The following ANKRD33B variants were observed in gnomAD, a reference collection of about 807,000 sequenced individuals.
The protein encoded by ANKRD33B is ankyrin repeat domain-containing protein 33B.
Under a neutral mutation model 21.5 loss-of-function variants are expected in ANKRD33B, and 6 were observed. That is an observed-to-expected ratio of 0.28 (90% CI 0.15 to 0.55). The LOEUF (loss-of-function observed/expected upper bound fraction) is 0.55. Among genes scored for constraint, ANKRD33B ranks in the 20% least tolerant of loss-of-function variants. The probability of loss-of-function intolerance (pLI) is 0.94; values close to 1 mark genes in which losing one functional copy is unlikely to be tolerated. For synonymous variants in ANKRD33B, 347 were observed against 342.4 expected (o/e 1.01, Z -0.15); for missense variants, 698 against 747.2 (o/e 0.93, Z 0.77).
chr5:10,630,308 C>T (rs542554376), intron 2 of ANKRD33B, among the ~76,000 whole-genome samples: 1 of 152,234 alleles, frequency 6.6e-6, no homozygotes, highest in Non-Finnish European at 1.5e-5. Flanking sequence ...TACTCATCCT[C>T]TTCCTGGGAG....
intron 1 of ANKRD33B, among the ~76,000 whole-genome samples, chr5:10,579,408 T>C (rs1424562208): frequency 6.6e-6 from 1 of 152,000 alleles, no homozygotes; most frequent in Non-Finnish European, 1.5e-5. Context: ...CTGAACTTTA[T>C]TAAAACACAA....
chr5:10,572,847 G>A (rs1579709116), intron 1 of ANKRD33B, among the ~76,000 whole-genome samples: 1 of 152,218 alleles, frequency 6.6e-6, no homozygotes, highest in East Asian at 1.9e-4. Flanking sequence ...TGCCAGAAGT[G>A]TGGGTCCTAA....
rs1735510201 is a variant in ANKRD33B, at chr5:10,584,432, G to A, written c.366+19599G>A. On this transcript the variant is annotated intron_variant, in intron 1 of 3. Coordinates refer to ENST00000296657, the MANE Select transcript of ANKRD33B (RefSeq NM_001164440.2). ...GTGGGGGTACATGCCTATAGTCCTA[G>A]CTACTTTGGAGGCTGAGGCAGGAGG... 2.0e-5 allele frequency among the ~76,000 whole-genome samples: 3 copies of A among 151,696 alleles called. No individual in the cohort carries two copies. The South Asian group carries it at 6.2e-4, about 32-fold the overall frequency.
At chr5:10,604,531 A>G (rs576930879) in intron 1 of ANKRD33B, among the ~76,000 whole-genome samples, 59 of 150,194 alleles carry the variant, frequency 3.9e-4, no homozygotes, top group Non-Finnish European at 7.4e-4. Flanking sequence ...AAAAGAAAAA[A>G]AAAAGAAAAA....
At chr5:10,616,778 G>A (rs6883781) in intron 1 of ANKRD33B, among the ~76,000 whole-genome samples, 139,614 of 152,200 alleles carry the variant, frequency 0.92, 64,251 homozygotes, top group Middle Eastern at 0.96. Flanking sequence ...CTGAGTCTAC[G>A]CTGTTTTCCT....
chr5:10,569,025 T>G (rs927192385), intron 1 of ANKRD33B, among the ~76,000 whole-genome samples: 1 of 152,172 alleles, frequency 6.6e-6, no homozygotes, highest in African/African-American at 2.4e-5. Context: ...TATCTTGAAA[T>G]GTATGTGAGA....
In ANKRD33B at chr5:10,578,862, A is replaced by C. The variant is rs149994283; in HGVS notation, c.366+14029A>C. Reference sequence around the variant, plus strand: ...TACTAATAATTTTATTGGGTCTAAGAATACTTAAGATACTCTTGGCTGGGC... The same window carrying C: ...TACTAATAATTTTATTGGGTCTAAGCATACTTAAGATACTCTTGGCTGGGC... On this transcript the variant is annotated intron_variant, in intron 1 of 3. Coordinates refer to ENST00000296657, the MANE Select transcript of ANKRD33B (RefSeq NM_001164440.2). 1.7e-4 allele frequency among the ~76,000 whole-genome samples: 26 copies of C among 152,210 alleles called. No homozygotes were observed. In the East Asian group the frequency reaches 3.7e-3, roughly 21 times the overall value.
chr5:10,565,786 A>G (rs1013269114), intron 1 of ANKRD33B, among the ~76,000 whole-genome samples: 1 of 152,272 alleles, frequency 6.6e-6, no homozygotes, highest in Non-Finnish European at 1.5e-5. Flanking sequence ...CTCAGTGGGC[A>G]AATGGCAGCG....
chr5:10,590,108 C>T (rs1735648932), intron 1 of ANKRD33B, among the ~76,000 whole-genome samples: 1 of 151,948 alleles, frequency 6.6e-6, no homozygotes, highest in Non-Finnish European at 1.5e-5. Context: ...GATTCTAGTT[C>T]TGTAATAAAG....
At chr5:10,608,983 T>A (rs1236364534) in intron 1 of ANKRD33B, among the ~76,000 whole-genome samples, 2 of 152,208 alleles carry the variant, frequency 1.3e-5, no homozygotes, top group Non-Finnish European at 2.9e-5. Flanking sequence ...AGTGCCAGCC[T>A]TGGGCGCCAG....
chr5:10,590,521 A>G (rs1735657648), intron 1 of ANKRD33B, among the ~76,000 whole-genome samples: 1 of 152,192 alleles, frequency 6.6e-6, no homozygotes, highest in Non-Finnish European at 1.5e-5. Flanking sequence ...TGCGGGCCAC[A>G]TGAGGCCCAG....
At chr5:10,640,509 C>T (rs1337220965) in intron 3 of ANKRD33B, among the ~76,000 whole-genome samples, 7 of 152,210 alleles carry the variant, frequency 4.6e-5, no homozygotes, top group Non-Finnish European at 1.5e-5. Context: ...GATCATCCTT[C>T]GTGCAACCTC....
intron 2 of ANKRD33B, among the ~76,000 whole-genome samples, chr5:10,625,821 T>C (rs1736533563): frequency 6.6e-6 from 1 of 152,258 alleles, no homozygotes; most frequent in Non-Finnish European, 1.5e-5. Context: ...TCTTTGGATC[T>C]GGGGTGCATC....
At chr5:10,645,849 G>A (rs1271068127) in intron 3 of ANKRD33B, among the ~76,000 whole-genome samples, 6 of 152,226 alleles carry the variant, frequency 3.9e-5, no homozygotes, top group South Asian at 2.1e-4. Flanking sequence ...GATTGCAGCC[G>A]TTAGATTCCA....
At chr5:10,575,441 G>C (rs1456477773) in intron 1 of ANKRD33B, among the ~76,000 whole-genome samples, 1 of 151,376 alleles carries the variant, frequency 6.6e-6, no homozygotes, top group Non-Finnish European at 1.5e-5. Context: ...AAAAAAAAGA[G>C]TCTTAATTCT....
Position 10,649,457 on chromosome 5 carries a change from A to G in ANKRD33B, c.829A>G (p.Lys277Glu), listed in dbSNP as rs1197533972. ...AGCGGCGCGGAAGCCCGCGGGCTCC[A>G]AGAACTGCCTGCAGAGGCTCACAGA... ...PEAARKPAGS[K>E]NCLQRLTDCV... Residue 277 changes from lysine (K) to glutamate (E), a missense_variant, in exon 4 of 4, where the codon AAG (lysine) becomes GAG (glutamate). Physicochemically the swap from Lys to Glu is moderately conservative, Grantham distance 56. Coordinates refer to ENST00000296657, the MANE Select transcript of ANKRD33B (RefSeq NM_001164440.2). The G allele has an allele frequency of 6.5e-7, 1 of 1,534,984 alleles. No homozygotes were observed. The highest frequency in any genetic ancestry group is 8.7e-7 in the Non-Finnish European group (1 of 1,146,352).
chr5:10,623,704 C>T (rs1736475390), intron 2 of ANKRD33B, among the ~76,000 whole-genome samples: 1 of 152,208 alleles, frequency 6.6e-6, no homozygotes, highest in Admixed American at 6.5e-5. Flanking sequence ...AGCCGTGCTG[C>T]CAGACAGAGC....
chr5:10,599,471 C>CA (rs750556375), intron 1 of ANKRD33B, among the ~76,000 whole-genome samples: 5 of 152,310 alleles, frequency 3.3e-5, no homozygotes, highest in South Asian at 4.1e-4. Context: ...CCTCTCCCCC[C>CA]AGTCCCTCTT....
At chr5:10,638,696 G>A (rs1417163082) in intron 3 of ANKRD33B, among the ~76,000 whole-genome samples, 2 of 150,884 alleles carry the variant, frequency 1.3e-5, no homozygotes, top group Admixed American at 6.6e-5. Context: ...GTTGCATGGT[G>A]ACGTTAGGAG....
Sources: gnomAD v4.1 joint callset for allele counts (sites outside exome capture counted in the v4.1 genomes callset) on GRCh38, gnomAD v4.1.1 for gene constraint, MANE v1.5 for transcripts, NCBI Gene and HGNC (gene_info 2026-07-23, HGNC 2026-07-21) for gene names.